Variants in HECTD4 observed in about 807,000 individuals in gnomAD.
HECTD4 encodes the protein HECT domain E3 ubiquitin protein ligase 4, also known as probable E3 ubiquitin-protein ligase HECTD4.
HECTD4 carries 114 observed loss-of-function variants against 471.5 expected under a neutral mutation model. The ratio of observed to expected loss-of-function variants is 0.24; its 90% CI spans 0.21 to 0.28. The LOEUF is 0.28. Ranked by LOEUF, HECTD4 falls within the 10% of genes least tolerant of loss-of-function variation. The pLI is 1.00. For synonymous variants in HECTD4, 2,012 were observed against 2,256.0 expected (o/e 0.89, Z 3.07); for missense variants, 3,866 against 5,651.5 (o/e 0.68, Z 10.13).
In HECTD4 at chr12:112,239,298, A is replaced by C; in HGVS notation, c.5106-62T>G. On this transcript the variant is annotated intron_variant, in intron 33 of 75. Coordinates refer to ENST00000682272, the MANE Select transcript of HECTD4 (RefSeq NM_001388303.1). The surrounding 1 kb of genome is among the most constrained non-coding windows in gnomAD (Gnocchi z 4.9). ...ACTGACCGACACTCAGGAAACTCTC[A>C]TGTGAGGTTCAAAGGGGCATAAAAC... 3.6e-4 allele frequency: 526 copies of C among 1,444,262 alleles called. No homozygotes were observed. The highest frequency in any genetic ancestry group is 4.6e-4 in the Non-Finnish European group (491 of 1,068,480). 89.5% of individuals were successfully genotyped at this position (1,444,262 alleles called of 1,614,324 possible).
At position 112,382,313 on chromosome 12, in the gene HECTD4, G is replaced by A; in HGVS notation, c.-185C>T. On this transcript the variant is annotated 5_prime_UTR_variant, in exon 1 of 76. Transcript: ENST00000682272. ...TCGCCATACCCCCGACCCCGGCCCG[G>A]GAGACCCCGGCCCTGCCGCCGCCGC... 2.1e-6 allele frequency: 1 copy of A among 477,378 alleles called. No homozygotes were observed. 29.6% of individuals were successfully genotyped at this position (477,378 alleles called of 1,614,324 possible).
Position 112,173,771 on chromosome 12 carries a change from T to A in HECTD4, c.11595-910A>T, listed in dbSNP as rs2031329596. Among the ~76,000 whole-genome samples the A allele has an allele frequency of 6.6e-6, 1 of 151,966 alleles. No homozygotes were observed. The highest frequency in any genetic ancestry group is 6.6e-5 in the Admixed American group (1 of 15,242). ...TTCTTGAAATCCTGGGCTCAAGCCA[T>A]CCTCCCACCTCAGCTCCCAAAGTGC... is the stretch of plus-strand genomic sequence containing the variant. On this transcript the variant is annotated intron_variant, in intron 66 of 75. Transcript: ENST00000682272. This position sits in a 1 kb window ranked among gnomAD's most constrained non-coding sequence, Gnocchi z 4.3.
In HECTD4 at chr12:112,203,626, GT is replaced by G; in HGVS notation, c.8406+9del. ...AAATAGCTTATTAATCAGAATGGCT[GT>G]TCACTCACTGAATCAACATCTAAGA... On this transcript the variant is annotated intron_variant, in intron 54 of 75. Transcript: ENST00000682272. The G allele has an allele frequency of 6.2e-7, 1 of 1,610,404 alleles. No homozygotes were observed.
chr12:112,292,954 G>A (rs1326289781), intron 7 of HECTD4, among the ~76,000 whole-genome samples: 6 of 151,842 alleles, frequency 4.0e-5, no homozygotes, highest in African/African-American at 7.3e-5. Context: ...CCCAGGAGGC[G>A]GAGGTTGCAG....
At chr12:112,219,042 T>G (rs1242418136) in intron 45 of HECTD4, among the ~76,000 whole-genome samples, 2 of 152,122 alleles carry the variant, frequency 1.3e-5, no homozygotes, top group African/African-American at 4.8e-5. Flanking sequence ...CCCACTTTTG[T>G]TTTTTAATTA....
intron 21 of HECTD4, among the ~76,000 whole-genome samples, chr12:112,254,842 A>T (rs879259213): frequency 6.6e-5 from 10 of 152,188 alleles, no homozygotes; most frequent in Non-Finnish European, 1.5e-4. Flanking sequence ...CAGAAGAAAC[A>T]TTTATAGCTC....
At chr12:112,211,526 AG>A (rs1212075721) in intron 49 of HECTD4, among the ~76,000 whole-genome samples, 4 of 151,466 alleles carry the variant, frequency 2.6e-5, no homozygotes, top group African/African-American at 4.9e-5. Context: ...GATGTCCTGA[AG>A]GGGGAAAAAA....
Position 112,166,157 on chromosome 12 carries a change from C to G in HECTD4, c.12534+1160G>C, listed in dbSNP as rs2030948440. 6.6e-6 allele frequency: 1 copy of G among 152,460 alleles called. No homozygotes were observed. Among genetic ancestry groups the G allele is most frequent in the Non-Finnish European group, 1.5e-5 (1 of 68,128 alleles). The allele number at this position is 152,460 out of a possible 1,614,324, so 9.4% of individuals were successfully genotyped here. A position where few individuals can be genotyped will look rare whatever the true frequency, so the allele number is the denominator to read the frequency against. On this transcript the variant is annotated intron_variant, in intron 72 of 75. Transcript: ENST00000682272. The surrounding 1 kb of genome is among the most constrained non-coding windows in gnomAD (Gnocchi z 4.6). ...TGCACCCAGAGCCCCAGGAGGACTC[C>G]TCGGAGGAGTGCAGGAGACGCATAA...
At chr12:112,375,846 ATCACTTGAGG>A (rs1431381200) in intron 1 of HECTD4, among the ~76,000 whole-genome samples, 1 of 151,980 alleles carries the variant, frequency 6.6e-6, no homozygotes, top group Admixed American at 6.6e-5. Flanking sequence ...AGGCGGCTGG[ATCACTTGAGG>A]TCAGCAGTTC....
chr12:112,306,716 T>C (rs1326405338), intron 6 of HECTD4, among the ~76,000 whole-genome samples: 4 of 151,098 alleles, frequency 2.6e-5, no homozygotes, highest in Admixed American at 6.6e-5. Context: ...TTAATGAATA[T>C]GAAAAGAAGG....
Position 112,185,249 on chromosome 12 carries a change from G to A in HECTD4, c.9717C>T (p.Ser3239=). 2 of 1,550,102 alleles carry A rather than the reference G, an allele frequency of 1.3e-6. No homozygotes were observed. The highest frequency in any genetic ancestry group is 1.7e-6 in the Non-Finnish European group (2 of 1,146,570). ...CCTGGTCACCGGCCGCCGCCCCCCCGGAGCCCCCGCAGGCGCCGCCTGAGA... is the reference window on the plus strand; with the variant it reads ...CCTGGTCACCGGCCGCCGCCCCCCCAGAGCCCCCGCAGGCGCCGCCTGAGA... The part of the protein sequence containing the change: ...NWVSGGACGG[S]GGAAAGDQGR... The change falls in exon 61 of 76, where the codon TCC becomes TCT. Residue 3239 remains serine, a synonymous_variant. Transcript: ENST00000682272.
intron 62 of HECTD4, among the ~76,000 whole-genome samples, chr12:112,181,145 G>A (rs2031654489): frequency 1.3e-5 from 2 of 150,518 alleles, no homozygotes; most frequent in African/African-American, 4.9e-5. Flanking sequence ...TCCAGCCTGG[G>A]TGACAGAGTG....
chr12:112,185,025 T>A lies in HECTD4; in HGVS notation c.9941A>T (p.Lys3314Ile). 1 of 1,601,098 alleles carries A rather than the reference T, an allele frequency of 6.2e-7. No homozygotes were observed. The highest frequency in any genetic ancestry group is 8.5e-7 in the Non-Finnish European group (1 of 1,173,912). The change falls in exon 61 of 76, where the codon AAA (lysine) becomes ATA (isoleucine). Residue 3314 changes from lysine (K) to isoleucine (I), a missense_variant. Around this residue, in one of 16 missense-constraint regions of HECTD4, gnomAD observed 57 missense variants for 49.8 expected, o/e 1.14. Coordinates refer to ENST00000682272, the MANE Select transcript of HECTD4 (RefSeq NM_001388303.1). ...GGCCTTTTCCCGCTTCATCTTGACTTTTTTCCTCTTGGAGAGGAGGCTGGG... is the reference window on the plus strand; with the variant it reads ...GGCCTTTTCCCGCTTCATCTTGACTATTTTCCTCTTGGAGAGGAGGCTGGG... ...QSPSLLSKRK[K>I]VKMKREKASS...
rs1212494929 is a variant in HECTD4, at chr12:112,185,414, C to T, written c.9552G>A (p.Thr3184=). ...VFHLLAELLR[T]VHTLEQRRHP... ...GCCGCCTCTGCTCCAGGGTGTGCACCGTGCGCAGGAGCTCTGCCAGGAGAT... is the reference window on the plus strand; with the variant it reads ...GCCGCCTCTGCTCCAGGGTGTGCACTGTGCGCAGGAGCTCTGCCAGGAGAT... The change falls in exon 61 of 76, where the codon ACG becomes ACA. Residue 3184 remains threonine (T), a synonymous_variant. Coordinates refer to ENST00000682272, the MANE Select transcript of HECTD4 (RefSeq NM_001388303.1). 1.9e-6 allele frequency: 3 copies of T among 1,601,370 alleles called. No individual in the cohort carries two copies. Among genetic ancestry groups the T allele is most frequent in the East Asian group, 2.2e-5 (1 of 44,654 alleles).
intron 1 of HECTD4, among the ~76,000 whole-genome samples, chr12:112,337,712 T>C (rs2035984093): frequency 1.3e-5 from 2 of 152,210 alleles, no homozygotes; most frequent in South Asian, 4.1e-4. Context: ...ATTACTATAG[T>C]ATTCAACACT....
At chr12:112,285,234 T>A (rs1359238176) in intron 7 of HECTD4, among the ~76,000 whole-genome samples, 2 of 152,102 alleles carry the variant, frequency 1.3e-5, no homozygotes, top group African/African-American at 4.8e-5. Context: ...CCTTCCTGTC[T>A]CTCTCTTTGC....
chr12:112,311,170 G>A (rs761100331), intron 4 of HECTD4, among the ~76,000 whole-genome samples: 59 of 151,968 alleles, frequency 3.9e-4, no homozygotes, highest in Non-Finnish European at 2.1e-4. Flanking sequence ...GCTGAGGCAG[G>A]AGAATTGCTT....
intron 7 of HECTD4, among the ~76,000 whole-genome samples, chr12:112,289,900 C>A (rs1026808023): frequency 6.6e-6 from 1 of 151,928 alleles, no homozygotes; most frequent in Admixed American, 6.6e-5. Context: ...TGGTCTCCAA[C>A]TCCTGACCTC....
At chr12:112,244,038 C>T (rs1283763649) in intron 29 of HECTD4, 29 bp from the exon 30 acceptor site, 2 of 1,611,554 alleles carry the variant, frequency 1.2e-6, no homozygotes, top group South Asian at 1.1e-5. Context: ...AAAAGGCTGA[C>T]ATTTCTGCTA....
Sources: gnomAD v4.1 joint callset for allele counts (sites outside exome capture counted in the v4.1 genomes callset) on GRCh38, gnomAD v4.1.1 for gene constraint, gnomAD v4.1.1 regional missense constraint, Gnocchi (gnomAD v3.1) non-coding constraint, MANE v1.5 for transcripts, NCBI Gene and HGNC (gene_info 2026-07-23, HGNC 2026-07-21) for gene names.